Variants in TMEM132B observed in about 807,000 individuals in gnomAD.
TMEM132B encodes the protein transmembrane protein 132B.
In TMEM132B, 18 loss-of-function variants were observed where a neutral mutation model predicts 90.8. The observed-to-expected ratio is 0.20, with a 90% CI of 0.14 to 0.29. The LOEUF is 0.29. Ranked by LOEUF, TMEM132B falls within the 10% of genes least tolerant of loss-of-function variation. The pLI, the probability that TMEM132B is intolerant of heterozygous loss-of-function variation, is 1.00. For synonymous variants in TMEM132B, 504 were observed against 523.3 expected (o/e 0.96, Z 0.50); for missense variants, 1,096 against 1,326.8 (o/e 0.83, Z 2.70).
At chr12:125,343,131 T>G (rs919562559) in intron 1 of TMEM132B, among the ~76,000 whole-genome samples, 6 of 152,194 alleles carry the variant, frequency 3.9e-5, no homozygotes, top group African/African-American at 1.4e-4. Flanking sequence ...TATTAATGAA[T>G]GACCACCTTA....
rs544804547 is a variant in TMEM132B, at chr12:125,251,791, G to A, written c.67+64925G>A. On this transcript the variant is annotated intron_variant, in intron 1 of 8. Transcript: ENST00000682704. The surrounding 1 kb of genome is among the most constrained non-coding windows in gnomAD (Gnocchi z 4.4). ...GCTGATTTTCCTAGAAAGGCCATTC[G>A]TTTGGATTTTCATGTGAAATTTCCC... 2.0e-5 allele frequency among the ~76,000 whole-genome samples: 3 copies of A among 152,140 alleles called. No individual in the cohort carries two copies. Among genetic ancestry groups the A allele is most frequent in the Admixed American group, 6.5e-5 (1 of 15,270 alleles).
intron 2 of TMEM132B, among the ~76,000 whole-genome samples, chr12:125,397,598 T>C (rs1879204558): frequency 1.3e-5 from 2 of 152,154 alleles, no homozygotes; most frequent in Admixed American, 1.3e-4. Flanking sequence ...ATGGTGTGTA[T>C]ATATTTGTGT....
chr12:125,529,577 G>C (rs1469434373), intron 4 of TMEM132B, among the ~76,000 whole-genome samples: 1 of 152,160 alleles, frequency 6.6e-6, no homozygotes, highest in Non-Finnish European at 1.5e-5. Context: ...CTGGGATTCA[G>C]ACGGGGGTAG....
At position 125,349,364 on chromosome 12, in the gene TMEM132B, G is replaced by C; in HGVS notation, c.68-88G>C. 1 of 1,459,446 alleles carries C rather than the reference G, an allele frequency of 6.9e-7. No individual in the cohort carries two copies. Among genetic ancestry groups the C allele is most frequent in the Non-Finnish European group, 9.2e-7 (1 of 1,085,050 alleles). The allele number at this position is 1,459,446 out of a possible 1,614,324, so 90.4% of individuals were successfully genotyped here. A position where few individuals can be genotyped will look rare whatever the true frequency, so the allele number is the denominator to read the frequency against. The stretch of plus-strand genomic sequence containing the variant: ...AGAAACAGTGGCCAGTGGGCGGTTT[G>C]TTGGGGAGGTGGGTGGAGACTGCAC... On this transcript the variant is annotated intron_variant, in intron 1 of 8. Transcript: ENST00000682704. The surrounding 1 kb of genome is among the most constrained non-coding windows in gnomAD (Gnocchi z 4.1).
At chr12:125,496,284 T>A (rs564790026) in intron 3 of TMEM132B, among the ~76,000 whole-genome samples, 1 of 152,292 alleles carries the variant, frequency 6.6e-6, no homozygotes, top group South Asian at 2.1e-4. Context: ...CTGGAAAGAT[T>A]AGGCTACCAA....
intron 2 of TMEM132B, among the ~76,000 whole-genome samples, chr12:125,359,237 T>A (rs1368292805): frequency 6.6e-6 from 1 of 152,222 alleles, no homozygotes; most frequent in Non-Finnish European, 1.5e-5. Flanking sequence ...GCTTCTACAA[T>A]CTATAACCAG....
chr12:125,413,636 A>G (rs1217746702), intron 2 of TMEM132B, among the ~76,000 whole-genome samples: 1 of 152,176 alleles, frequency 6.6e-6, no homozygotes, highest in Non-Finnish European at 1.5e-5. Context: ...ACTCAGCATC[A>G]CGTTATCGAG....
At chr12:125,242,800 C>A (rs1874103401) in intron 1 of TMEM132B, among the ~76,000 whole-genome samples, 1 of 152,222 alleles carries the variant, frequency 6.6e-6, no homozygotes, top group Admixed American at 6.5e-5. Flanking sequence ...CCTCCCACTG[C>A]CCACTGCTCC....
At chr12:125,231,288 A>G (rs1369314785) in intron 1 of TMEM132B, among the ~76,000 whole-genome samples, 1 of 151,886 alleles carries the variant, frequency 6.6e-6, no homozygotes, top group Non-Finnish European at 1.5e-5. Flanking sequence ...CATTGAATTT[A>G]AGGCCCACCC....
chr12:125,405,037 C>T (rs1021623169), intron 2 of TMEM132B, among the ~76,000 whole-genome samples: 3 of 152,152 alleles, frequency 2.0e-5, no homozygotes, highest in Non-Finnish European at 4.4e-5. Flanking sequence ...CTCACTTAAC[C>T]CTTGCAGCAG....
chr12:125,219,465 T>C (rs976760338), intron 1 of TMEM132B, among the ~76,000 whole-genome samples: 1 of 152,162 alleles, frequency 6.6e-6, no homozygotes, highest in African/African-American at 2.4e-5. Flanking sequence ...ACCTGGCATC[T>C]TGGGGGAACT....
At chr12:125,233,298 T>C (rs1205309208) in intron 1 of TMEM132B, among the ~76,000 whole-genome samples, 1 of 152,250 alleles carries the variant, frequency 6.6e-6, no homozygotes, top group East Asian at 1.9e-4. Flanking sequence ...GGCTCCATGA[T>C]GTCAAAAAGA....
At chr12:125,642,273 A>C (rs187758976) in intron 5 of TMEM132B, among the ~76,000 whole-genome samples, 1 of 152,156 alleles carries the variant, frequency 6.6e-6, no homozygotes, top group East Asian at 1.9e-4. Context: ...CTGAATGGAG[A>C]TCTTGTTCTG....
chr12:125,306,477 G>A (rs115958188), intron 1 of TMEM132B, among the ~76,000 whole-genome samples: 1,679 of 152,212 alleles, frequency 0.011, 28 homozygotes, highest in African/African-American at 0.038. Context: ...CCTTTGCCCT[G>A]AATCTGTTCC....
In TMEM132B at chr12:125,349,936, C is replaced by G; in HGVS notation, c.552C>G (p.Ala184=). 6.2e-7 allele frequency: 1 copy of G among 1,614,182 alleles called. No individual in the cohort carries two copies. The highest frequency in any genetic ancestry group is 2.2e-5 in the East Asian group (1 of 44,882). ...CAGCCAGCTGTCGGCTGCAAGGGGC[C>G]CCAGGGCTGTGTGTGGCTGAGCTGG... The part of the protein sequence containing the change: ...EVAASCRLQG[A]PGLCVAELEL... The change falls in exon 2 of 9, where the codon GCC becomes GCG. Residue 184 remains alanine, a synonymous_variant. Coordinates refer to ENST00000682704, the MANE Select transcript of TMEM132B (RefSeq NM_001366854.1). The surrounding 1 kb of genome is among the most constrained non-coding windows in gnomAD (Gnocchi z 4.1).
At position 125,406,699 on chromosome 12, in the gene TMEM132B, C is replaced by T. The variant is rs1353450669; in HGVS notation, c.960-8832C>T. ...CCCGCCCATGGCAGACAGTGAAAGA[C>T]TTGACCCACCCACTGGAAAGCTGGG... On this transcript the variant is annotated intron_variant, in intron 2 of 8. Transcript: ENST00000682704. The surrounding 1 kb of genome is among the most constrained non-coding windows in gnomAD (Gnocchi z 8.3). Among the ~76,000 whole-genome samples the T allele has an allele frequency of 4.6e-5, 7 of 152,196 alleles. No individual in the cohort carries two copies. The highest frequency in any genetic ancestry group is 1.2e-4 in the African/African-American group (5 of 41,444).
intron 3 of TMEM132B, among the ~76,000 whole-genome samples, chr12:125,497,369 T>G (rs1592956441): frequency 6.6e-6 from 1 of 152,152 alleles, no homozygotes; most frequent in Non-Finnish European, 1.5e-5. Context: ...GGGTTGGCAG[T>G]TTGAGGAATA....
chr12:125,300,623 TC>T (rs1359218408), intron 1 of TMEM132B, among the ~76,000 whole-genome samples: 1 of 152,232 alleles, frequency 6.6e-6, no homozygotes, highest in Admixed American at 6.5e-5. Context: ...CAGGACCTGT[TC>T]TGAGCACATC....
intron 1 of TMEM132B, among the ~76,000 whole-genome samples, chr12:125,195,954 G>A (rs1388344026): frequency 6.6e-6 from 1 of 152,158 alleles, no homozygotes; most frequent in Non-Finnish European, 1.5e-5. Context: ...GGCAGTGAAA[G>A]TTCTAACCAA....
Sources: allele counts gnomAD v4.1 joint callset (sites outside exome capture counted in the v4.1 genomes callset), GRCh38; gene constraint gnomAD v4.1.1; non-coding constraint Gnocchi (gnomAD v3.1); transcripts MANE v1.5; gene names NCBI Gene and HGNC (gene_info 2026-07-23, HGNC 2026-07-21).